ZNF665: variants seen among roughly 807,000 people sequenced by gnomAD.
ZNF665 encodes the protein zinc finger protein 665.
A neutral mutation model predicts 7.9 loss-of-function variants in ZNF665; 6 were observed. That is an observed-to-expected ratio of 0.76 (90% CI 0.42 to 1.50). The LOEUF (loss-of-function observed/expected upper bound fraction) is 1.50. ZNF665 is among the 40% of genes most tolerant of loss of function. The pLI is 0.01. For synonymous variants in ZNF665, 242 were observed against 274.5 expected (o/e 0.88, Z 1.17); for missense variants, 819 against 806.7 (o/e 1.02, Z -0.18).
At position 53,164,502 on chromosome 19, in the gene ZNF665, A is replaced by T; in HGVS notation, c.1988T>A (p.Phe663Tyr). 3.1e-6 allele frequency: 5 copies of T among 1,608,312 alleles called. No homozygotes were observed. The highest frequency in any genetic ancestry group is 4.2e-6 in the Non-Finnish European group (5 of 1,177,694). The change falls in exon 4 of 4, where the codon TTT becomes TAT. Residue 663 changes from phenylalanine (F) to tyrosine (Y), a missense_variant. Transcript: ENST00000396424. ...PYKCNQCGKV[F>Y]TQNSNLAKHR... ...TTTTGCAAGGTTTGAATTTTGAGTA[A>T]AGACCTTGCCACATTGGTTACATTT...
At chr19:53,171,616 G>A (rs1167475084) in intron 3 of ZNF665, among the ~76,000 whole-genome samples, 11 of 146,732 alleles carry the variant, frequency 7.5e-5, no homozygotes, top group Admixed American at 2.1e-4. Context: ...TGCAACCTCC[G>A]CCTCCCAGGT....
At chr19:53,177,266 T>C (rs1284458808) in intron 2 of ZNF665, among the ~76,000 whole-genome samples, 1 of 152,132 alleles carries the variant, frequency 6.6e-6, no homozygotes, top group Non-Finnish European at 1.5e-5. Context: ...TCCTCTAAAT[T>C]AGTGTGGATT....
chr19:53,193,041 G>T (rs930581413), intron 1 of ZNF665, among the ~76,000 whole-genome samples: 1 of 152,120 alleles, frequency 6.6e-6, no homozygotes, highest in African/African-American at 2.4e-5. Flanking sequence ...ACTTCACAGG[G>T]CGCAGGTCAG....
chr19:53,165,881 C>A lies in ZNF665; in HGVS notation c.609G>T (p.Glu203Asp). The change falls in exon 4 of 4, where the codon GAG (glutamate) becomes GAT (aspartate). Residue 203 changes from glutamate to aspartate, a missense_variant. By Grantham distance (45) the Glu-to-Asp change is conservative. Coordinates refer to ENST00000396424, the MANE Select transcript of ZNF665 (RefSeq NM_024733.5). ...CACACTTATTACACTGGTAAGGCTT[C>A]TCTCCAGTATGAATTCTCTTATGAC... is the stretch of plus-strand genomic sequence containing the variant. ...LTSHKRIHTG[E>D]KPYQCNKCGK... 2 of 1,614,186 alleles carry A rather than the reference C, an allele frequency of 1.2e-6. No homozygotes were observed. The highest frequency in any genetic ancestry group is 1.7e-6 in the Non-Finnish European group (2 of 1,180,036).
rs1313337811 is a variant in ZNF665, at chr19:53,166,185, C to G, written c.305G>C (p.Trp102Ser). Reference protein sequence around the residue: ...QKNTYDFECQWKDDEGNYKTV... With the variant: ...QKNTYDFECQSKDDEGNYKTV... Reference sequence around the variant, plus strand: ...TTTATAATTTCCTTCATCATCTTTCCACTGACACTCAAAGTCGTATGTATT... The same window carrying G: ...TTTATAATTTCCTTCATCATCTTTCGACTGACACTCAAAGTCGTATGTATT... The change falls in exon 4 of 4, where the codon TGG becomes TCG. Residue 102 changes from tryptophan to serine, a missense_variant. By Grantham distance (177) the Trp-to-Ser change is radical (BLOSUM62 -3). Transcript: ENST00000396424. 1 of 1,613,918 alleles carries G rather than the reference C, an allele frequency of 6.2e-7. No individual in the cohort carries two copies. The highest frequency in any genetic ancestry group is 1.1e-5 in the South Asian group (1 of 91,060).
rs560176422 is a variant in ZNF665 at position 53,165,903 on chromosome 19, T to C, written c.587A>G (p.His196Arg). 31 of 1,614,228 alleles carry C rather than the reference T, an allele frequency of 1.9e-5. No homozygotes were observed. In the South Asian group the frequency reaches 2.0e-4, roughly 10 times the overall value. The change falls in exon 4 of 4, where the codon CAT becomes CGT. Residue 196 changes from histidine (H) to arginine (R), a missense_variant. Transcript: ENST00000396424. ...CTTCTCTCCAGTATGAATTCTCTTA[T>C]GACTTGTTAGCCGTGAGTTTTGACT... ...VFSQNSRLTS[H>R]KRIHTGEKPY...
At chr19:53,175,110 G>A (rs926281603) in intron 3 of ZNF665, among the ~76,000 whole-genome samples, 21 of 152,150 alleles carry the variant, frequency 1.4e-4, no homozygotes, top group Non-Finnish European at 1.0e-4. Context: ...TGCCTCCTGA[G>A]TGGTTAGGAA....
intron 3 of ZNF665, among the ~76,000 whole-genome samples, chr19:53,168,805 A>G (rs2090636752): frequency 6.6e-6 from 1 of 152,174 alleles, no homozygotes; most frequent in Middle Eastern, 3.2e-3. Context: ...TATATAGACA[A>G]CTGATTTTTG....
chr19:53,192,221 C>T (rs936246845), intron 1 of ZNF665, among the ~76,000 whole-genome samples: 1 of 152,090 alleles, frequency 6.6e-6, no homozygotes, highest in Admixed American at 6.6e-5. Flanking sequence ...CTTATCTCTG[C>T]TCTCCCTGTT....
Position 53,175,703 on chromosome 19 carries a change from A to G in ZNF665, c.16-132T>C, listed in dbSNP as rs766374851. ...AGACTGACACATCCAGGCTGTGATC[A>G]CGGTACATACAGATTTGATCTTCCT... On this transcript the variant is annotated intron_variant, in intron 2 of 3. Transcript: ENST00000396424. The G allele has an allele frequency of 8.0e-6, 8 of 1,005,458 alleles. No homozygotes were observed. The Admixed American group carries it at 1.1e-4, about 14-fold the overall frequency. 62.3% of individuals were successfully genotyped at this position (1,005,458 alleles called of 1,614,324 possible). A position where few individuals can be genotyped will look rare whatever the true frequency, so the allele number is the denominator to read the frequency against.
At chr19:53,192,263 C>T (rs1476558752) in intron 1 of ZNF665, among the ~76,000 whole-genome samples, 1 of 152,134 alleles carries the variant, frequency 6.6e-6, no homozygotes, top group South Asian at 2.1e-4. Flanking sequence ...ACTTCCTTGT[C>T]CCCACTCTTT....
At chr19:53,172,824 CAAAAAA>C (rs66604312) in intron 3 of ZNF665, among the ~76,000 whole-genome samples, 1 of 82,698 alleles carries the variant, frequency 1.2e-5, no homozygotes, top group East Asian at 3.6e-4. Context: ...GATTCTGTCT[CAAAAAA>C]AAAAAAAAAA....
intron 2 of ZNF665, among the ~76,000 whole-genome samples, chr19:53,178,384 A>G (rs2090713617): frequency 1.3e-5 from 2 of 152,148 alleles, no homozygotes; most frequent in African/African-American, 4.8e-5. Context: ...TAGATGCTAC[A>G]CTGTGGCTGA....
chr19:53,182,855 A>G (rs774092469), intron 2 of ZNF665, 29 bp downstream of exon 2: 4 of 1,613,258 alleles, frequency 2.5e-6, no homozygotes, highest in Middle Eastern at 3.3e-4. Context: ...GGAAGGAGAC[A>G]GAACAATCCA....
At chr19:53,192,929 G>A (rs562479165) in intron 1 of ZNF665, among the ~76,000 whole-genome samples, 229 of 152,310 alleles carry the variant, frequency 1.5e-3, no homozygotes, top group African/African-American at 5.3e-3. Flanking sequence ...CCAGGCAGAG[G>A]CGCGGCCTCC....
chr19:53,192,549 G>GT (rs2146900322), intron 1 of ZNF665, among the ~76,000 whole-genome samples: 1 of 152,214 alleles, frequency 6.6e-6, no homozygotes, highest in East Asian at 1.9e-4. Flanking sequence ...CTGTCTCTTT[G>GT]TAAATCCTGA....
intron 3 of ZNF665, among the ~76,000 whole-genome samples, chr19:53,168,974 T>C (rs1201276224): frequency 2.0e-5 from 3 of 151,936 alleles, no homozygotes; most frequent in Non-Finnish European, 4.4e-5. Flanking sequence ...TAATGTAAAA[T>C]CTAAACCATA....
At chr19:53,171,524 A>ATATTTTTTTTTT (rs372855271) in intron 3 of ZNF665, among the ~76,000 whole-genome samples, 35 of 69,324 alleles carry the variant, frequency 5.0e-4, no homozygotes, top group African/African-American at 1.8e-3. Context: ...ATATATATAT[A>ATATTTTTTTTTT]TTTTTTTTTT....
chr19:53,190,413 T>G (rs2090808330), intron 1 of ZNF665: 1 of 152,234 alleles, frequency 6.6e-6, no homozygotes. Flanking sequence ...TGTGCAGTTT[T>G]TCCCACAATG....
Sources: gnomAD v4.1 joint callset for allele counts (sites outside exome capture counted in the v4.1 genomes callset) on GRCh38, gnomAD v4.1.1 for gene constraint, MANE v1.5 for transcripts, NCBI Gene and HGNC (gene_info 2026-07-23, HGNC 2026-07-21) for gene names.